The following TRDN variants were observed in gnomAD, a reference collection of about 807,000 sequenced individuals.
The protein encoded by TRDN is triadin.
TRDN carries 161 observed loss-of-function variants against 149.7 expected under a neutral mutation model. The observed-to-expected ratio is 1.08, with a 90% CI of 0.95 to 1.23. The LOEUF is 1.23. TRDN is among the 50% of genes most tolerant of loss of function. The pLI, the probability that TRDN is intolerant of heterozygous loss-of-function variation, is 0.00. For missense variants in TRDN, 896 were observed against 823.5 expected (o/e 1.09, Z -1.08); for synonymous variants, 294 against 250.5 (o/e 1.17, Z -1.64).
chr6:123,554,614 A>T (rs1435198260), intron 2 of TRDN, among the ~76,000 whole-genome samples: 1 of 152,208 alleles, frequency 6.6e-6, no homozygotes, highest in Non-Finnish European at 1.5e-5. Flanking sequence ...CTGTGAAATT[A>T]CTTAGTCTTT....
intron 16 of TRDN, 41 bp downstream of exon 16, chr6:123,381,329 A>T: frequency 8.5e-7 from 1 of 1,171,666 alleles, no homozygotes; most frequent in African/African-American, 1.6e-5. Context: ...TAATAGTAGT[A>T]AAAAAAAAAG....
At chr6:123,308,426 T>C (rs747230909) in intron 24 of TRDN, among the ~76,000 whole-genome samples, 14 of 151,898 alleles carry the variant, frequency 9.2e-5, no homozygotes, top group Non-Finnish European at 1.9e-4. Context: ...TCAAGTTCTT[T>C]CAGAAATTTC....
At chr6:123,498,594 T>C in intron 8 of TRDN, 1 of 471,056 alleles carries the variant, frequency 2.1e-6, no homozygotes, top group Non-Finnish European at 4.4e-6. Flanking sequence ...GATTTGCCCT[T>C]TGATGTACTG....
intron 32 of TRDN, among the ~76,000 whole-genome samples, chr6:123,267,318 GA>G (rs1401730719): frequency 6.6e-6 from 1 of 151,954 alleles, no homozygotes; most frequent in Admixed American, 6.6e-5. Context: ...TCTCTTTTAA[GA>G]GGATATATCA....
At chr6:123,350,428 T>A in intron 21 of TRDN, 2 of 602,220 alleles carry the variant, frequency 3.3e-6, no homozygotes, top group Non-Finnish European at 4.2e-6. Context: ...AACAAATAAA[T>A]AAAATAAATA....
chr6:123,471,069 A>C (rs962517870), intron 9 of TRDN: 1 of 152,232 alleles, frequency 6.6e-6, no homozygotes, highest in African/African-American at 2.4e-5. Flanking sequence ...TGTTATAAGG[A>C]ATGACTTTCG....
chr6:123,354,809 A>G (rs776374052), intron 20 of TRDN, among the ~76,000 whole-genome samples: 3 of 151,822 alleles, frequency 2.0e-5, no homozygotes, highest in African/African-American at 7.2e-5. Context: ...AATTTCAGGC[A>G]CCAGCAATAG....
intron 1 of TRDN, among the ~76,000 whole-genome samples, chr6:123,590,618 C>T (rs887883631): frequency 3.9e-5 from 6 of 152,012 alleles, no homozygotes; most frequent in Non-Finnish European, 8.8e-5. Flanking sequence ...CAAAAATTAG[C>T]CGGGTGTGTG....
At chr6:123,558,840 C>T (rs1781819303) in intron 2 of TRDN, among the ~76,000 whole-genome samples, 1 of 152,232 alleles carries the variant, frequency 6.6e-6, no homozygotes, top group Non-Finnish European at 1.5e-5. Context: ...ATCTCCAGCA[C>T]ACAAGAACTC....
chr6:123,450,690 A>T (rs899282104), intron 10 of TRDN, among the ~76,000 whole-genome samples: 1 of 152,200 alleles, frequency 6.6e-6, no homozygotes, highest in Non-Finnish European at 1.5e-5. Context: ...TAAACTGATC[A>T]TCAAGACAGA....
chr6:123,308,967 T>A (rs548886285), intron 24 of TRDN, among the ~76,000 whole-genome samples: 22 of 152,074 alleles, frequency 1.4e-4, no homozygotes, highest in African/African-American at 5.1e-4. Context: ...ATTTTGAAAG[T>A]AATCAATGTT....
intron 1 of TRDN, among the ~76,000 whole-genome samples, chr6:123,574,446 T>C (rs527688852): frequency 2.6e-5 from 4 of 151,902 alleles, no homozygotes; most frequent in Non-Finnish European, 5.9e-5. Context: ...CTCCTAATGG[T>C]AGTTCTGAAA....
chr6:123,303,569 G>A (rs997365480), intron 24 of TRDN, among the ~76,000 whole-genome samples: 2 of 152,158 alleles, frequency 1.3e-5, no homozygotes, highest in Admixed American at 6.6e-5. Context: ...GATGAAATTC[G>A]AGGTTAGATG....
intron 1 of TRDN, among the ~76,000 whole-genome samples, chr6:123,598,176 G>A (rs933667988): frequency 1.3e-5 from 2 of 151,990 alleles, no homozygotes; most frequent in Non-Finnish European, 2.9e-5. Context: ...ATGTAAATCA[G>A]GGACTGACCC....
chr6:123,329,808 A>G (rs892306910), intron 23 of TRDN, among the ~76,000 whole-genome samples: 4 of 152,238 alleles, frequency 2.6e-5, no homozygotes, highest in Middle Eastern at 3.4e-3. Flanking sequence ...TTTCTAAAAT[A>G]ATAATAATAA....
intron 2 of TRDN, among the ~76,000 whole-genome samples, chr6:123,569,942 C>A (rs561612683): frequency 6.6e-6 from 1 of 152,320 alleles, no homozygotes; most frequent in Non-Finnish European, 1.5e-5. Flanking sequence ...TAAACCCAAA[C>A]AACAGAGTTC....
chr6:123,620,327 T>C (rs1226848147), intron 1 of TRDN, among the ~76,000 whole-genome samples: 2 of 152,188 alleles, frequency 1.3e-5, no homozygotes, highest in Non-Finnish European at 2.9e-5. Flanking sequence ...ATCCCAGTAA[T>C]GTCCCTTTCC....
intron 24 of TRDN, among the ~76,000 whole-genome samples, chr6:123,286,491 A>G (rs1777809165): frequency 6.6e-6 from 1 of 152,032 alleles, no homozygotes; most frequent in Non-Finnish European, 1.5e-5. Flanking sequence ...ATGCAATGGC[A>G]TAAGAATGAA....
chr6:123,228,799 G>C lies in TRDN; in HGVS notation c.1976-4668C>G, dbSNP rs540608394. 2.6e-5 allele frequency among the ~76,000 whole-genome samples: 4 copies of C among 151,974 alleles called. No individual in the cohort carries two copies. In the South Asian group the frequency reaches 8.3e-4, roughly 32 times the overall value. ...TGCTGGCAGGCTCTGACAGAGTCAA[G>C]TTATGCATGAGCCACACACACACTT... On this transcript the variant is annotated intron_variant, in intron 38 of 40. Coordinates refer to ENST00000334268, the MANE Select transcript of TRDN (RefSeq NM_006073.4).
Sources: gnomAD v4.1 joint callset for allele counts (sites outside exome capture counted in the v4.1 genomes callset) on GRCh38, gnomAD v4.1.1 for gene constraint, MANE v1.5 for transcripts, NCBI Gene and HGNC (gene_info 2026-07-23, HGNC 2026-07-21) for gene names.